DSCAML1: variants seen among roughly 807,000 people sequenced by gnomAD.
DSCAML1 encodes the protein DS cell adhesion molecule like 1, also known as cell adhesion molecule DSCAML1.
Under a neutral mutation model 200.5 loss-of-function variants are expected in DSCAML1, and 38 were observed. The observed-to-expected ratio is 0.19, with a 90% CI of 0.15 to 0.25. The LOEUF (loss-of-function observed/expected upper bound fraction) is 0.25. Among genes scored for constraint, DSCAML1 ranks in the 10% least tolerant of loss-of-function variants. The pLI is 1.00. For missense variants in DSCAML1, 2,223 were observed against 2,858.8 expected, an observed-to-expected ratio of 0.78 and a Z score of 5.07; for synonymous variants, 1,215 against 1,165.0, an observed-to-expected ratio of 1.04 and a Z score of -0.87.
At chr11:117,560,967 T>C (rs2050651242) in intron 3 of DSCAML1, among the ~76,000 whole-genome samples, 2 of 152,314 alleles carry the variant, frequency 1.3e-5, no homozygotes, top group South Asian at 4.1e-4. Context: ...GCTCCAGGGC[T>C]GCCAGATGGG....
chr11:117,581,631 T>C lies in DSCAML1; in HGVS notation c.512-49109A>G, dbSNP rs145167318. Among the ~76,000 whole-genome samples, 297 of 152,316 alleles carry C rather than the reference T, an allele frequency of 1.9e-3. 2 individuals are homozygous for C. The highest frequency in any genetic ancestry group is 3.0e-3 in the Non-Finnish European group (205 of 68,038). ...AGCATTGTGATGAACACAGGTAAGATCCATGCGTTACTTTTACATGCATAT... is the reference window on the plus strand; with the variant it reads ...AGCATTGTGATGAACACAGGTAAGACCCATGCGTTACTTTTACATGCATAT... On this transcript the variant is annotated intron_variant, in intron 3 of 32. Transcript: ENST00000651296.
At chr11:117,672,131 C>G (rs534405744) in intron 3 of DSCAML1, among the ~76,000 whole-genome samples, 1 of 130,764 alleles carries the variant, frequency 7.6e-6, no homozygotes, top group African/African-American at 3.3e-5. Context: ...AAAGAAGAAA[C>G]CTTGGGCCTC....
intron 2 of DSCAML1, among the ~76,000 whole-genome samples, chr11:117,777,858 C>T (rs2055159697): frequency 6.6e-6 from 1 of 152,208 alleles, no homozygotes; most frequent in African/African-American, 2.4e-5. Flanking sequence ...CCTTGTCCTC[C>T]TCTGTTTGGC....
At chr11:117,525,894 G>A (rs2054330294) in intron 4 of DSCAML1, among the ~76,000 whole-genome samples, 1 of 152,172 alleles carries the variant, frequency 6.6e-6, no homozygotes. Context: ...TCTGTCTTCT[G>A]CCTAAACTCT....
At chr11:117,532,615 C>G in intron 3 of DSCAML1, 93 bp from the exon 4 acceptor site, 3 of 1,277,936 alleles carry the variant, frequency 2.3e-6, no homozygotes, top group South Asian at 2.9e-5. Flanking sequence ...GATTTTCACA[C>G]ACAAACAAAA....
chr11:117,521,451 G>A lies in DSCAML1; in HGVS notation c.938-46C>T, dbSNP rs1241286310. On this transcript the variant is annotated intron_variant, in intron 5 of 32. Coordinates refer to ENST00000651296, the MANE Select transcript of DSCAML1 (RefSeq NM_020693.4). ...GTGAGGGGAAATGGGAGGGAGGAAAGAACAGAAAAAGGGCTTACTGTGAGT... is the reference window on the plus strand; with the variant it reads ...GTGAGGGGAAATGGGAGGGAGGAAAAAACAGAAAAAGGGCTTACTGTGAGT... 6 of 1,584,520 alleles carry A rather than the reference G, an allele frequency of 3.8e-6. No homozygotes were observed. The Admixed American group carries it at 7.1e-5, about 19-fold the overall frequency.
At chr11:117,601,084 G>C (rs1445313164) in intron 3 of DSCAML1, among the ~76,000 whole-genome samples, 1 of 152,186 alleles carries the variant, frequency 6.6e-6, no homozygotes, top group Non-Finnish European at 1.5e-5. Flanking sequence ...CCACAGAGCA[G>C]CCTCTATGGC....
intron 16 of DSCAML1, among the ~76,000 whole-genome samples, chr11:117,465,999 T>C (rs2048573109): frequency 6.6e-6 from 1 of 152,108 alleles, no homozygotes; most frequent in South Asian, 2.1e-4. Context: ...CTGGTGGGAA[T>C]GGAAAGAGGC....
At chr11:117,600,504 G>T (rs1036352529) in intron 3 of DSCAML1, among the ~76,000 whole-genome samples, 4 of 152,154 alleles carry the variant, frequency 2.6e-5, no homozygotes, top group African/African-American at 9.7e-5. Flanking sequence ...CCCTCTCCCT[G>T]GGGCTCCAGG....
intron 3 of DSCAML1, among the ~76,000 whole-genome samples, chr11:117,637,397 G>A (rs979175062): frequency 6.7e-6 from 1 of 150,206 alleles, no homozygotes; most frequent in Non-Finnish European, 1.5e-5. Flanking sequence ...CCAGGCTGGA[G>A]TGCAGTGGTG....
chr11:117,482,209 C>T lies in DSCAML1; in HGVS notation c.2360-47G>A, dbSNP rs200642928. 120 of 1,607,184 alleles carry T rather than the reference C, an allele frequency of 7.5e-5. 1 individual carries two copies. The African/African-American group carries it at 1.4e-3, about 18-fold the overall frequency. Reference sequence around the variant, plus strand: ...GGCCCAGTGAAGGTCGGGAGACCAGCCTGGAGGAGGCACGCGTGCCCTGCG... The same window carrying T: ...GGCCCAGTGAAGGTCGGGAGACCAGTCTGGAGGAGGCACGCGTGCCCTGCG... On this transcript the variant is annotated intron_variant, in intron 11 of 32. Coordinates refer to ENST00000651296, the MANE Select transcript of DSCAML1 (RefSeq NM_020693.4).
chr11:117,708,396 G>T (rs17121102), intron 3 of DSCAML1, among the ~76,000 whole-genome samples: 1 of 152,110 alleles, frequency 6.6e-6, no homozygotes, highest in Non-Finnish European at 1.5e-5. Context: ...ACGATCTTAG[G>T]AACTTAAAGT....
In DSCAML1 at chr11:117,437,980, C is replaced by A. The variant is rs781537743; in HGVS notation, c.4347G>T (p.Thr1449=). The change falls in exon 25 of 33, where the codon ACG becomes ACT. Residue 1449 remains threonine, a synonymous_variant. Coordinates refer to ENST00000651296, the MANE Select transcript of DSCAML1 (RefSeq NM_020693.4). The surrounding 1 kb of genome is among the most constrained non-coding windows in gnomAD (Gnocchi z 5.3). ...TGGCTGCCAGCTTCACCTTGTACCA[C>A]GTGCCACACTTGAGGCTGTCCAGCT... is the stretch of plus-strand genomic sequence containing the variant. The part of the protein sequence containing the change: ...SFKLDSLKCG[T]WYKVKLAAKN... 1.2e-6 allele frequency: 2 copies of A among 1,614,036 alleles called. No homozygotes were observed. The highest frequency in any genetic ancestry group is 2.7e-5 in the African/African-American group (2 of 74,946).
intron 3 of DSCAML1, among the ~76,000 whole-genome samples, chr11:117,577,991 T>C (rs1565802285): frequency 6.6e-6 from 1 of 151,412 alleles, no homozygotes; most frequent in South Asian, 2.1e-4. Context: ...TCCCAGCACT[T>C]TGGGAGGCTG....
chr11:117,627,136 T>G lies in DSCAML1; in HGVS notation c.512-94614A>C, dbSNP rs943799290. On this transcript the variant is annotated intron_variant, in intron 3 of 32. Transcript: ENST00000651296. ...ACTCTTTTTTAAGCTGGCCACATAT[T>G]ACAAGAGAAATATAATTTATTCTTT... Among the ~76,000 whole-genome samples, 27 of 152,338 alleles carry G rather than the reference T, an allele frequency of 1.8e-4. 2 individuals carry two copies. The highest frequency in any genetic ancestry group is 6.8e-3 in the Middle Eastern group (2 of 294).
At chr11:117,788,001 G>A (rs957127849) in intron 1 of DSCAML1, among the ~76,000 whole-genome samples, 1 of 152,198 alleles carries the variant, frequency 6.6e-6, no homozygotes, top group African/African-American at 2.4e-5. Context: ...CACCCACCAA[G>A]TCCATTCAAA....
chr11:117,710,838 C>A (rs1306751888), intron 3 of DSCAML1, among the ~76,000 whole-genome samples: 1 of 152,158 alleles, frequency 6.6e-6, no homozygotes, highest in Non-Finnish European at 1.5e-5. Context: ...TACAAGTTGA[C>A]AATCTAACTG....
intron 3 of DSCAML1, among the ~76,000 whole-genome samples, chr11:117,577,898 A>T (rs1380516382): frequency 6.6e-6 from 1 of 151,538 alleles, no homozygotes; most frequent in Non-Finnish European, 1.5e-5. Context: ...TACCTGGTCC[A>T]CCAGAGGCAT....
chr11:117,513,069 A>G (rs148701021), intron 8 of DSCAML1, among the ~76,000 whole-genome samples: 65 of 152,270 alleles, frequency 4.3e-4, no homozygotes, highest in Non-Finnish European at 7.1e-4. Flanking sequence ...GGGCTGGCGC[A>G]GGGAGTGGAG....
Sources: allele counts gnomAD v4.1 joint callset (sites outside exome capture counted in the v4.1 genomes callset), GRCh38; gene constraint gnomAD v4.1.1; non-coding constraint Gnocchi (gnomAD v3.1); transcripts MANE v1.5; gene names NCBI Gene and HGNC (gene_info 2026-07-23, HGNC 2026-07-21).